Variants in KLHL8 observed in about 807,000 individuals in gnomAD.
KLHL8 encodes the protein kelch-like protein 8.
Under a neutral mutation model 63.5 loss-of-function variants are expected in KLHL8, and 38 were observed. The ratio of observed to expected loss-of-function variants is 0.60; its 90% CI spans 0.46 to 0.78. KLHL8 has a LOEUF of 0.78. Among genes scored for constraint, KLHL8 ranks in the 30% least tolerant of loss-of-function variants. KLHL8 has a pLI of 0.00. For missense variants in KLHL8, 566 were observed against 752.4 expected, an observed-to-expected ratio of 0.75 and a Z score of 2.90; for synonymous variants, 224 against 254.3, an observed-to-expected ratio of 0.88 and a Z score of 1.13.
At chr4:87,178,037 T>C (rs908416423) in intron 5 of KLHL8, among the ~76,000 whole-genome samples, 1 of 152,146 alleles carries the variant, frequency 6.6e-6, no homozygotes, top group African/African-American at 2.4e-5. Flanking sequence ...AAAAATTCAT[T>C]TATACTTTTA....
At position 87,160,778 on chromosome 4, in the gene KLHL8, GATTT is replaced by G. The variant is rs1393475666; in HGVS notation, c.*2737_*2740del. The G allele has an allele frequency of 6.6e-6, 1 of 152,070 alleles. No homozygotes were observed. The highest frequency in any genetic ancestry group is 1.9e-4 in the East Asian group (1 of 5,192). 9.4% of individuals were successfully genotyped at this position (152,070 alleles called of 1,614,324 possible). A position where few individuals can be genotyped will look rare whatever the true frequency, so the allele number is the denominator to read the frequency against. On this transcript the variant is annotated 3_prime_UTR_variant, in exon 10 of 10. Coordinates refer to ENST00000273963, the MANE Select transcript of KLHL8 (RefSeq NM_020803.5). ...GAAGAAATAATAAACAAATTTTCAT[GATTT>G]ATTTTGTCCATTTGCAATTTCAGTA...
At position 87,235,184 on chromosome 4, in the gene KLHL8, A is replaced by G. The variant is rs557991844; in HGVS notation, n.57+5074T>C. The stretch of plus-strand genomic sequence containing the variant: ...AGTAATGTCCTAGGCCTTCACATTC[A>G]CTCACCACTCACTCCCTGACTCACC... On this transcript the variant is annotated intron_variant and non_coding_transcript_variant, in intron 1 of 1. Coordinates refer to the KLHL8 transcript ENST00000506274. Among the ~76,000 whole-genome samples, 324 of 152,204 alleles carry G rather than the reference A, an allele frequency of 2.1e-3. 4 individuals are homozygous for G. The highest frequency in any genetic ancestry group is 7.1e-3 in the African/African-American group (294 of 41,530).
chr4:87,204,846 A>C (rs1335283941), intron 1 of KLHL8, among the ~76,000 whole-genome samples: 3 of 152,218 alleles, frequency 2.0e-5, no homozygotes, highest in African/African-American at 4.8e-5. Flanking sequence ...CGGCAAAAAG[A>C]GAGTTTTATG....
Position 87,204,313 on chromosome 4 carries a change from C to T in KLHL8, c.-151-8623G>A, listed in dbSNP as rs115449868. ...TAAACAATACTAACAATACCAAGTG[C>T]TGGTGAGGATGTGAAACACCTGGAA... is the stretch of plus-strand genomic sequence containing the variant. On this transcript the variant is annotated intron_variant, in intron 1 of 9. Transcript: ENST00000273963. 6.7e-3 allele frequency among the ~76,000 whole-genome samples: 1,012 copies of T among 151,670 alleles called. 14 individuals are homozygous for T. Among genetic ancestry groups the T allele is most frequent in the African/African-American group, 0.024 (978 of 41,280 alleles).
chr4:87,215,027 G>C (rs1732544755), intron 1 of KLHL8, among the ~76,000 whole-genome samples: 1 of 152,058 alleles, frequency 6.6e-6, no homozygotes, highest in East Asian at 1.9e-4. Flanking sequence ...TGGAACTCTT[G>C]GCCTCAAGTG....
In KLHL8 at chr4:87,195,703, CAAT is replaced by C. The variant is rs746777442; in HGVS notation, c.-151-16_-151-14del. 2 of 551,650 alleles carry C rather than the reference CAAT, an allele frequency of 3.6e-6. No individual in the cohort carries two copies. Among genetic ancestry groups the C allele is most frequent in the Non-Finnish European group, 6.3e-6 (2 of 315,400 alleles). The allele number at this position is 551,650 out of a possible 1,614,324, so 34.2% of individuals were successfully genotyped here. A position where few individuals can be genotyped will look rare whatever the true frequency, so the allele number is the denominator to read the frequency against. ...CAGTTTGCTGTGACTGAAAAATCAA[CAAT>C]AAAACAGGTAGAGACAAACGAAAAG... On this transcript the variant is annotated splice_polypyrimidine_tract_variant and intron_variant, in intron 1 of 9. Transcript: ENST00000273963.
intron 4 of KLHL8, among the ~76,000 whole-genome samples, chr4:87,181,284 GA>G (rs112042259): frequency 0.18 from 25,133 of 142,872 alleles, 2,277 homozygotes; most frequent in South Asian, 0.25. Flanking sequence ...AAAAAAAAAA[GA>G]AAAAAAAAAA....
intron 1 of KLHL8, among the ~76,000 whole-genome samples, chr4:87,228,488 A>G (rs1187884796): frequency 6.6e-6 from 1 of 152,242 alleles, no homozygotes; most frequent in Non-Finnish European, 1.5e-5. Context: ...GGCTTCTACC[A>G]AAACAGTCTC....
intron 1 of KLHL8, among the ~76,000 whole-genome samples, chr4:87,229,419 CTTT>C (rs1299829511): frequency 1.8e-4 from 22 of 120,454 alleles, no homozygotes; most frequent in Admixed American, 2.9e-4. Flanking sequence ...TATCTTTTTC[CTTT>C]TTTTTTTTTT....
chr4:87,163,814 C>T (rs1730269707), intron 9 of KLHL8, 64 bp downstream of exon 9: 2 of 1,558,866 alleles, frequency 1.3e-6, no homozygotes, highest in African/African-American at 1.4e-5. Flanking sequence ...CATTTTAACA[C>T]TCTGAAGTAA....
chr4:87,209,845 TG>T (rs1285320811), intron 1 of KLHL8, among the ~76,000 whole-genome samples: 15 of 133,130 alleles, frequency 1.1e-4, no homozygotes, highest in Non-Finnish European at 2.2e-4. Flanking sequence ...TGTTCCGTTT[TG>T]GGTTTTTTTT....
At chr4:87,229,210 A>G (rs968131761) in intron 1 of KLHL8, among the ~76,000 whole-genome samples, 4 of 152,138 alleles carry the variant, frequency 2.6e-5, no homozygotes, top group Admixed American at 1.3e-4. Context: ...AATTAGATAT[A>G]TGCCTACTTG....
chr4:87,169,706 A>G (rs556278823), intron 8 of KLHL8, among the ~76,000 whole-genome samples: 27 of 152,268 alleles, frequency 1.8e-4, no homozygotes, highest in African/African-American at 6.5e-4. Flanking sequence ...TACAAAAAAC[A>G]GAAAAAAACT....
intron 4 of KLHL8, among the ~76,000 whole-genome samples, chr4:87,180,984 T>C (rs974909725): frequency 2.0e-5 from 3 of 152,254 alleles, no homozygotes; most frequent in African/African-American, 4.8e-5. Context: ...CACAGTGAGC[T>C]GTGATTGCAC....
At chr4:87,175,651 T>G (rs1403267044) in intron 6 of KLHL8, among the ~76,000 whole-genome samples, 1 of 152,206 alleles carries the variant, frequency 6.6e-6, no homozygotes, top group Non-Finnish European at 1.5e-5. Context: ...AAGTCATTAA[T>G]GAAAGTGTCA....
At chr4:87,219,459 C>T (rs1057095278) in intron 1 of KLHL8, 11 of 151,016 alleles carry the variant, frequency 7.3e-5, no homozygotes, top group African/African-American at 2.4e-4. Context: ...GGACCTTTTC[C>T]CAAAGTATCC....
In KLHL8 at chr4:87,181,393, G is replaced by A. The variant is rs574353281; in HGVS notation, c.952+1810C>T. ...TGCTCCCCAGCCTGGGTGACAGAGC[G>A]AGACTCAGTCTCAAAAAAAAAGAAA... On this transcript the variant is annotated intron_variant, in intron 4 of 9. Transcript: ENST00000273963. 5.2e-3 allele frequency among the ~76,000 whole-genome samples: 796 copies of A among 152,058 alleles called. 6 individuals are homozygous for A. Among genetic ancestry groups the A allele is most frequent in the Middle Eastern group, 0.014 (4 of 294 alleles).
chr4:87,195,394 G>C lies in KLHL8; in HGVS notation c.146C>G (p.Ala49Gly). The C allele has an allele frequency of 6.2e-7, 1 of 1,613,626 alleles. No individual in the cohort carries two copies. The highest frequency in any genetic ancestry group is 8.5e-7 in the Non-Finnish European group (1 of 1,179,860). The change falls in exon 2 of 10, where the codon GCT becomes GGT. Residue 49 changes from alanine to glycine, a missense_variant. Transcript: ENST00000273963. ...EDSFIFEANE[A>G]WKDFHGSLLR... ...AAGAGAACCATGAAAATCTTTCCAA[G>C]CTTCATTTGCTTCAAAAATAAAGGA...
chr4:87,237,818 C>A (rs1320126857), intron 1 of KLHL8, among the ~76,000 whole-genome samples: 1 of 151,976 alleles, frequency 6.6e-6, no homozygotes, highest in Non-Finnish European at 1.5e-5. Flanking sequence ...CAGAGTGAGA[C>A]CCTGTCCCTA....
Sources: gnomAD v4.1 joint callset for allele counts (sites outside exome capture counted in the v4.1 genomes callset) on GRCh38, gnomAD v4.1.1 for gene constraint, MANE v1.5 for transcripts, NCBI Gene and HGNC (gene_info 2026-07-23, HGNC 2026-07-21) for gene names.